Variants in SLC28A1 observed in about 807,000 individuals in gnomAD.
SLC28A1 encodes sodium/nucleoside cotransporter 1.
A neutral mutation model predicts 74.8 loss-of-function variants in SLC28A1; 64 were observed. The observed-to-expected ratio is 0.86, with a 90% CI of 0.70 to 1.05. SLC28A1 has a LOEUF of 1.05. Among genes scored for constraint, SLC28A1 ranks in the 50% least tolerant of loss-of-function variants. The pLI is 0.00. For missense variants in SLC28A1, 828 were observed against 822.8 expected (o/e 1.01, Z -0.08); for synonymous variants, 359 against 335.0 (o/e 1.07, Z -0.78).
At chr15:84,962,365 C>T in the SLC28A1 span, among the ~76,000 whole-genome samples, 1 of 152,092 alleles carries the variant, frequency 6.6e-6, no homozygotes, top group Non-Finnish European at 1.5e-5. Flanking sequence ...TGAGCCACTG[C>T]ACCCAGCCTT....
At position 84,905,584 on chromosome 15, in the gene SLC28A1, C is replaced by G; in HGVS notation, c.649C>G (p.Leu217Val). The G allele has an allele frequency of 6.2e-7, 1 of 1,614,120 alleles. No homozygotes were observed. Among genetic ancestry groups the G allele is most frequent in the Non-Finnish European group, 8.5e-7 (1 of 1,179,956 alleles). ...TTGGGGACTTGGACTGCAGTTTGTA[C>G]TTGGACTCCTCGTCATCAGAACAGA... ...VSWGLGLQFVLGLLVIRTEPG... is the reference protein window; with the variant it reads ...VSWGLGLQFVVGLLVIRTEPG... The change falls in exon 8 of 19, where the codon CTT becomes GTT. Residue 217 changes from leucine (L) to valine (V), a missense_variant. Around this residue, in one of 3 missense-constraint regions of SLC28A1, gnomAD observed 767 missense variants for 753.5 expected, o/e 1.02. Transcript: ENST00000394573.
chr15:84,929,172 G>A (rs1567173753), intron 12 of SLC28A1, among the ~76,000 whole-genome samples: 1 of 151,990 alleles, frequency 6.6e-6, no homozygotes, highest in Non-Finnish European at 1.5e-5. Context: ...TTACATGGGT[G>A]GAAAGAAAAT....
the SLC28A1 span, among the ~76,000 whole-genome samples, chr15:84,967,230 G>C: frequency 2.6e-5 from 4 of 152,304 alleles, no homozygotes; most frequent in African/African-American, 9.6e-5. Context: ...GTGCACATTG[G>C]GGAGCAGGTG....
intron 3 of SLC28A1, 32 bp downstream of exon 3, chr15:84,887,888 C>G: frequency 6.6e-7 from 1 of 1,513,134 alleles, no homozygotes; most frequent in Non-Finnish European, 9.2e-7. Flanking sequence ...TCATCCTGAC[C>G]CCTCAGCCTC....
At chr15:84,950,091 G>A (rs1251571564), downstream of SLC28A1, among the ~76,000 whole-genome samples, 1 of 152,174 alleles carries the variant, frequency 6.6e-6, no homozygotes, top group Non-Finnish European at 1.5e-5. Flanking sequence ...ACAGCCAGGC[G>A]ATTGTCCCAC....
Position 84,900,105 on chromosome 15 carries a change from C to T in SLC28A1, c.462-3992C>T, listed in dbSNP as rs566346222. 5.9e-5 allele frequency among the ~76,000 whole-genome samples: 9 copies of T among 151,922 alleles called. No homozygotes were observed. The South Asian group carries it at 1.9e-3, about 32-fold the overall frequency. On this transcript the variant is annotated intron_variant, in intron 6 of 18. Coordinates refer to ENST00000394573, the MANE Select transcript of SLC28A1 (RefSeq NM_004213.5). ...GCCGAGTTGGACAGATCACTTAAGC[C>T]CAGGAGTTCAAGACCAGCCTGAGCA...
intron 11 of SLC28A1, among the ~76,000 whole-genome samples, chr15:84,922,736 G>A (rs1010255442): frequency 6.6e-6 from 1 of 152,188 alleles, no homozygotes; most frequent in African/African-American, 2.4e-5. Flanking sequence ...TGTCTCAGGC[G>A]GCTCCCCCGC....
At chr15:84,972,918 T>C in the SLC28A1 span, among the ~76,000 whole-genome samples, 1 of 152,254 alleles carries the variant, frequency 6.6e-6, no homozygotes, top group East Asian at 1.9e-4. Context: ...CAGCCAATGA[T>C]GAGGATGAAT....
At chr15:84,897,969 G>A (rs993101590) in intron 6 of SLC28A1, among the ~76,000 whole-genome samples, 1 of 151,952 alleles carries the variant, frequency 6.6e-6, no homozygotes, top group Non-Finnish European at 1.5e-5. Context: ...GGATTTCATT[G>A]TTTTTTTATG....
At chr15:84,956,517 G>T in the SLC28A1 span, among the ~76,000 whole-genome samples, 1 of 127,184 alleles carries the variant, frequency 7.9e-6, no homozygotes, top group African/African-American at 3.0e-5. Context: ...TCTTTCGACA[G>T]GGTCTCACTT....
chr15:84,964,124 T>C, the SLC28A1 span, among the ~76,000 whole-genome samples: 2 of 152,208 alleles, frequency 1.3e-5, no homozygotes, highest in African/African-American at 4.8e-5. Context: ...CTGTCATACC[T>C]TGTGAAGTCT....
downstream of SLC28A1, among the ~76,000 whole-genome samples, chr15:84,947,683 T>C (rs150036530): frequency 1.4e-3 from 219 of 152,332 alleles, 6 homozygotes; most frequent in East Asian, 0.034. Context: ...TGTCCTCACA[T>C]GGCAGAAGAG....
the SLC28A1 span, among the ~76,000 whole-genome samples, chr15:84,953,392 T>G: frequency 2.6e-5 from 4 of 152,212 alleles, no homozygotes; most frequent in Admixed American, 6.5e-5. Flanking sequence ...CTGGTGGGTT[T>G]TATCACTTAG....
At chr15:84,946,462 T>C (rs2079234717), downstream of SLC28A1, among the ~76,000 whole-genome samples, 1 of 152,020 alleles carries the variant, frequency 6.6e-6, no homozygotes, top group Admixed American at 6.6e-5. Context: ...GGTGTTATTA[T>C]TGTCACTAGT....
At chr15:84,908,860 G>T in intron 9 of SLC28A1, 65 bp downstream of exon 9, 1 of 1,374,864 alleles carries the variant, frequency 7.3e-7, no homozygotes, top group East Asian at 2.3e-5. Flanking sequence ...AGCTAGAGGG[G>T]AGTCTGGGCA....
intron 13 of SLC28A1, among the ~76,000 whole-genome samples, chr15:84,933,790 C>A (rs1400526550): frequency 6.6e-6 from 1 of 152,184 alleles, no homozygotes; most frequent in East Asian, 1.9e-4. Context: ...GCCTGGCCAA[C>A]ATGGTGAAAC....
At chr15:84,948,081 A>G (rs732632), downstream of SLC28A1, among the ~76,000 whole-genome samples, 137,238 of 152,174 alleles carry the variant, frequency 0.9, 62,133 homozygotes, top group African/African-American at 0.98. Context: ...GCATGTCCCA[A>G]TAGGCAACAT....
intron 5 of SLC28A1, among the ~76,000 whole-genome samples, chr15:84,894,372 C>A (rs1188874151): frequency 2.2e-4 from 30 of 134,298 alleles, no homozygotes; most frequent in South Asian, 2.4e-4. Flanking sequence ...ACCCTATCTC[C>A]AAAAAAAAAA....
At chr15:84,914,646 GC>G (rs1254398244) in intron 9 of SLC28A1, among the ~76,000 whole-genome samples, 1 of 152,182 alleles carries the variant, frequency 6.6e-6, no homozygotes, top group East Asian at 1.9e-4. Flanking sequence ...TAGGGACCTG[GC>G]CCAGGACAAG....
Sources: gnomAD v4.1 joint callset for allele counts (sites outside exome capture counted in the v4.1 genomes callset) on GRCh38, gnomAD v4.1.1 for gene constraint, gnomAD v4.1.1 regional missense constraint, MANE v1.5 for transcripts, NCBI Gene and HGNC (gene_info 2026-07-23, HGNC 2026-07-21) for gene names.